Variants in NRXN3 observed in about 807,000 individuals in gnomAD.
NRXN3 encodes the protein neurexin 3.
NRXN3 carries 32 observed loss-of-function variants against 137.6 expected under a neutral mutation model. The observed-to-expected ratio is 0.23, with a 90% CI of 0.18 to 0.31. The LOEUF is 0.31. NRXN3 is among the 10% of genes least tolerant of loss of function. The probability of loss-of-function intolerance (pLI) is 1.00; values close to 1 mark genes in which losing one functional copy is unlikely to be tolerated. For missense variants in NRXN3, 1,574 were observed against 2,062.5 expected (o/e 0.76, Z 4.59); for synonymous variants, 798 against 784.5 (o/e 1.02, Z -0.29).
chr14:78,229,929 G>C (rs1241725543), intron 1 of NRXN3, among the ~76,000 whole-genome samples: 1 of 152,188 alleles, frequency 6.6e-6, no homozygotes, highest in Non-Finnish European at 1.5e-5. Flanking sequence ...GGCTCACTGG[G>C]TCACTGTTCC....
At chr14:78,329,799 T>C (rs2080565436) in intron 4 of NRXN3, among the ~76,000 whole-genome samples, 2 of 152,212 alleles carry the variant, frequency 1.3e-5, no homozygotes, top group African/African-American at 4.8e-5. Flanking sequence ...TTTAAATGTT[T>C]CTTGATTCGA....
At chr14:78,801,021 G>A (rs1040893009) in intron 8 of NRXN3, among the ~76,000 whole-genome samples, 9 of 152,072 alleles carry the variant, frequency 5.9e-5, no homozygotes, top group Admixed American at 2.6e-4. Flanking sequence ...TTTTCACACC[G>A]CTCTAAAGAA....
intron 15 of NRXN3, among the ~76,000 whole-genome samples, chr14:79,268,539 A>C (rs1342263055): frequency 6.6e-6 from 1 of 152,220 alleles, no homozygotes. Flanking sequence ...TAATGTCCAC[A>C]TGGGCAAAGT....
intron 4 of NRXN3, among the ~76,000 whole-genome samples, chr14:78,627,104 T>TTCTCTCTCTCTCTCTC (rs68104206): frequency 3.8e-4 from 46 of 121,096 alleles, no homozygotes; most frequent in African/African-American, 1.4e-3. Context: ...CCTCCCTCCC[T>TTCTCTCTCTCTCTCTC]TCTCTCTCTC....
At chr14:79,848,375 G>A (rs183129726) in intron 20 of NRXN3, among the ~76,000 whole-genome samples, 39 of 152,282 alleles carry the variant, frequency 2.6e-4, no homozygotes, top group Non-Finnish European at 4.1e-4. Flanking sequence ...CACACAGGGC[G>A]CATGCAGCCC....
intron 4 of NRXN3, among the ~76,000 whole-genome samples, chr14:78,420,742 C>G (rs1409252566): frequency 1.3e-5 from 2 of 152,196 alleles, no homozygotes; most frequent in African/African-American, 2.4e-5. Flanking sequence ...ATTAAAAGAG[C>G]ATTGATAGCT....
At chr14:78,997,901 A>G (rs1022180383) in intron 15 of NRXN3, among the ~76,000 whole-genome samples, 1 of 152,166 alleles carries the variant, frequency 6.6e-6, no homozygotes, top group African/African-American at 2.4e-5. Context: ...ACAATATGTG[A>G]TCTTTTAGGT....
In NRXN3 at chr14:79,727,718, T is replaced by C. The variant is rs559185151; in HGVS notation, c.4014+29781T>C. Reference sequence around the variant, plus strand: ...TCTACTGTGAATGACCCTTATTTTTTTGTTGTTGCTTTATGGCAATAAATA... The same window carrying C: ...TCTACTGTGAATGACCCTTATTTTTCTGTTGTTGCTTTATGGCAATAAATA... On this transcript the variant is annotated intron_variant, in intron 19 of 20. Transcript: ENST00000335750. 5.9e-5 allele frequency among the ~76,000 whole-genome samples: 9 copies of C among 152,358 alleles called. No individual in the cohort carries two copies. The South Asian group carries it at 1.7e-3, about 28-fold the overall frequency.
intron 20 of NRXN3, among the ~76,000 whole-genome samples, chr14:79,854,567 C>T (rs2099398618): frequency 6.6e-6 from 1 of 152,154 alleles, no homozygotes; most frequent in Non-Finnish European, 1.5e-5. Context: ...ATTGTTCTTA[C>T]CACCCAAAGA....
At chr14:78,554,599 C>T (rs2096721422) in intron 4 of NRXN3, among the ~76,000 whole-genome samples, 1 of 152,156 alleles carries the variant, frequency 6.6e-6, no homozygotes, top group African/African-American at 2.4e-5. Context: ...GACTTTTACA[C>T]TTTTTGTCAA....
At chr14:79,693,410 A>T (rs1445016196) in intron 18 of NRXN3, among the ~76,000 whole-genome samples, 1 of 151,966 alleles carries the variant, frequency 6.6e-6, no homozygotes, top group African/African-American at 2.4e-5. Flanking sequence ...TTTTTAATGT[A>T]TGTGGTCTAA....
At chr14:78,781,099 G>T (rs2098767707) in intron 8 of NRXN3, among the ~76,000 whole-genome samples, 1 of 152,172 alleles carries the variant, frequency 6.6e-6, no homozygotes, top group Non-Finnish European at 1.5e-5. Flanking sequence ...CAGAACAAAT[G>T]AGAGCTACAT....
intron 15 of NRXN3, among the ~76,000 whole-genome samples, chr14:79,443,584 C>T (rs562386272): frequency 2.0e-5 from 3 of 152,262 alleles, no homozygotes; most frequent in Middle Eastern, 3.4e-3. Context: ...AAAGATTGAA[C>T]TAAAATTCTG....
chr14:79,723,721 A>G (rs994833302), intron 19 of NRXN3, among the ~76,000 whole-genome samples: 7 of 152,224 alleles, frequency 4.6e-5, no homozygotes, highest in Middle Eastern at 3.4e-3. Context: ...CTCCAAAATT[A>G]ATTGTTACCT....
At chr14:78,610,098 G>A (rs181189013) in intron 4 of NRXN3, among the ~76,000 whole-genome samples, 1 of 152,104 alleles carries the variant, frequency 6.6e-6, no homozygotes, top group African/African-American at 2.4e-5. Context: ...GGAATGGAAA[G>A]TTACATTTGG....
intron 16 of NRXN3, among the ~76,000 whole-genome samples, chr14:79,626,175 T>G (rs759960260): frequency 4.6e-5 from 7 of 151,700 alleles, no homozygotes; most frequent in Non-Finnish European, 1.0e-4. Flanking sequence ...AGTGAGTGAA[T>G]AATCATCTCA....
chr14:79,193,834 T>A (rs17108919), intron 15 of NRXN3, among the ~76,000 whole-genome samples: 5,415 of 152,286 alleles, frequency 0.036, 230 homozygotes, highest in East Asian at 0.21. Flanking sequence ...GCATCTTGAA[T>A]TTCCTACAAA....
At chr14:78,173,229 C>A (rs1018730369) in intron 1 of NRXN3, among the ~76,000 whole-genome samples, 53 of 151,878 alleles carry the variant, frequency 3.5e-4, no homozygotes, top group Admixed American at 1.3e-4. Context: ...CTGCACCCCC[C>A]TTTCTCTCGC....
At chr14:79,527,345 T>C (rs544240458) in intron 16 of NRXN3, among the ~76,000 whole-genome samples, 61 of 141,296 alleles carry the variant, frequency 4.3e-4, no homozygotes, top group African/African-American at 1.6e-3. Context: ...GGAAGAGTAG[T>C]GTGGCGGGTT....
Sources: allele counts gnomAD v4.1 joint callset (sites outside exome capture counted in the v4.1 genomes callset), GRCh38; gene constraint gnomAD v4.1.1; transcripts MANE v1.5; gene names NCBI Gene and HGNC (gene_info 2026-07-23, HGNC 2026-07-21).